Variants in DLG2 observed in about 807,000 individuals in gnomAD.
The protein encoded by DLG2 is disks large homolog 2.
DLG2 carries 45 observed loss-of-function variants against 132.5 expected under a neutral mutation model. The ratio of observed to expected loss-of-function variants is 0.34; its 90% CI spans 0.27 to 0.44. DLG2 has a LOEUF of 0.44. DLG2 is among the 20% of genes least tolerant of loss of function. The pLI is 1.00. For synonymous variants in DLG2, 424 were observed against 419.6 expected (o/e 1.01, Z -0.13); for missense variants, 1,045 against 1,196.9 (o/e 0.87, Z 1.87).
chr11:85,056,001 CTCTT>C (rs1470754668), intron 6 of DLG2, among the ~76,000 whole-genome samples: 2 of 152,058 alleles, frequency 1.3e-5, no homozygotes, highest in Non-Finnish European at 2.9e-5. Flanking sequence ...ATTTCTTTTC[CTCTT>C]TTTTTAAGTA....
At chr11:84,438,431 G>A (rs992126768) in intron 7 of DLG2, among the ~76,000 whole-genome samples, 1 of 151,660 alleles carries the variant, frequency 6.6e-6, no homozygotes, top group African/African-American at 2.4e-5. Context: ...TTCAAATCGA[G>A]TGTTAAACTA....
In DLG2 at chr11:84,910,893, T is replaced by A. The variant is rs551941194; in HGVS notation, c.357+200768A>T. Among the ~76,000 whole-genome samples the A allele has an allele frequency of 4.6e-5, 7 of 152,304 alleles. No individual in the cohort carries two copies. The South Asian group carries it at 1.4e-3, about 32-fold the overall frequency. On this transcript the variant is annotated intron_variant, in intron 6 of 27. Coordinates refer to ENST00000376104, the MANE Select transcript of DLG2 (RefSeq NM_001142699.3). ...GTTACACTAGGAATGCAAAGTGTAT[T>A]AAGTGTTACACTAGAAGTACAAAGT...
At chr11:85,583,242 T>G (rs2078736506) in intron 3 of DLG2, among the ~76,000 whole-genome samples, 1 of 145,954 alleles carries the variant, frequency 6.9e-6, no homozygotes, top group Admixed American at 6.9e-5. Context: ...CAGAGCTCAC[T>G]GCAGCCTCAA....
At chr11:83,548,825 G>A (rs1037146496) in intron 19 of DLG2, among the ~76,000 whole-genome samples, 1 of 152,114 alleles carries the variant, frequency 6.6e-6, no homozygotes, top group Non-Finnish European at 1.5e-5. Flanking sequence ...CTCTAAAATT[G>A]CAAATCACTC....
intron 11 of DLG2, among the ~76,000 whole-genome samples, chr11:84,050,460 C>A (rs1041901137): frequency 2.0e-5 from 3 of 151,824 alleles, no homozygotes; most frequent in Admixed American, 1.3e-4. Context: ...TTCTCCCATT[C>A]TGTAGGTTGC....
At chr11:84,915,728 C>A (rs1375938816) in intron 6 of DLG2, among the ~76,000 whole-genome samples, 2 of 152,130 alleles carry the variant, frequency 1.3e-5, no homozygotes, top group Non-Finnish European at 2.9e-5. Flanking sequence ...CCTTGTTGTG[C>A]ATCTATTCTT....
intron 6 of DLG2, among the ~76,000 whole-genome samples, chr11:84,940,895 G>A (rs542779138): frequency 6.6e-6 from 1 of 152,236 alleles, no homozygotes; most frequent in African/African-American, 2.4e-5. Flanking sequence ...ATTTTGAATT[G>A]CCTTTTGTAT....
At chr11:84,097,482 T>G (rs1046631002) in intron 10 of DLG2, among the ~76,000 whole-genome samples, 2 of 152,188 alleles carry the variant, frequency 1.3e-5, no homozygotes, top group East Asian at 3.8e-4. Flanking sequence ...CACAGCTCTT[T>G]GGCTATACAT....
chr11:83,653,603 T>A (rs1336556787), intron 18 of DLG2, among the ~76,000 whole-genome samples: 1 of 152,206 alleles, frequency 6.6e-6, no homozygotes, highest in East Asian at 1.9e-4. Flanking sequence ...TTCATCTCCA[T>A]CACAGGAAGA....
intron 3 of DLG2, among the ~76,000 whole-genome samples, chr11:85,428,909 G>T (rs2090971334): frequency 6.6e-6 from 1 of 151,562 alleles, no homozygotes; most frequent in African/African-American, 2.4e-5. Flanking sequence ...AAAGAGAGAA[G>T]AATTAAATAG....
intron 3 of DLG2, among the ~76,000 whole-genome samples, chr11:85,371,757 C>A (rs2084998088): frequency 6.6e-6 from 1 of 152,170 alleles, no homozygotes; most frequent in African/African-American, 2.4e-5. Context: ...ACCCAACTCA[C>A]AAGTATTTGA....
intron 3 of DLG2, among the ~76,000 whole-genome samples, chr11:85,485,583 G>T (rs1189785177): frequency 6.6e-6 from 1 of 152,156 alleles, no homozygotes; most frequent in South Asian, 2.1e-4. Flanking sequence ...GAGAGGGAAG[G>T]GGGCAGCTCT....
intron 16 of DLG2, among the ~76,000 whole-genome samples, chr11:83,849,381 G>A (rs2059243987): frequency 6.6e-6 from 1 of 150,996 alleles, no homozygotes; most frequent in African/African-American, 2.4e-5. Context: ...CCATTCAAAT[G>A]TTTATCGAGC....
intron 16 of DLG2, among the ~76,000 whole-genome samples, chr11:83,862,653 T>A (rs1415162676): frequency 6.6e-6 from 1 of 151,584 alleles, no homozygotes; most frequent in East Asian, 1.9e-4. Context: ...TGATAGATAC[T>A]CCCCCACTCC....
At chr11:84,244,529 T>A (rs751674264) in intron 8 of DLG2, among the ~76,000 whole-genome samples, 26 of 152,180 alleles carry the variant, frequency 1.7e-4, no homozygotes, top group Admixed American at 2.6e-4. Context: ...TTCTGCTGAT[T>A]GTGGCAGTTG....
intron 7 of DLG2, among the ~76,000 whole-genome samples, chr11:84,350,929 T>A (rs1444913915): frequency 6.6e-6 from 1 of 152,180 alleles, no homozygotes; most frequent in Non-Finnish European, 1.5e-5. Flanking sequence ...TGTTTTCCTA[T>A]TCCTATCCCT....
At chr11:85,024,299 A>G (rs1419231138) in intron 6 of DLG2, among the ~76,000 whole-genome samples, 1 of 152,200 alleles carries the variant, frequency 6.6e-6, no homozygotes. Context: ...TGGGAAATGT[A>G]TCTGACGCAC....
chr11:85,305,896 T>C (rs1051708201), intron 3 of DLG2, among the ~76,000 whole-genome samples: 5 of 152,158 alleles, frequency 3.3e-5, no homozygotes, highest in Non-Finnish European at 5.9e-5. Context: ...AGTATATATC[T>C]AACTCCTCTC....
chr11:83,979,127 T>C (rs1056176797), intron 12 of DLG2, among the ~76,000 whole-genome samples: 11 of 152,150 alleles, frequency 7.2e-5, no homozygotes, highest in Non-Finnish European at 1.5e-4. Flanking sequence ...ACAAAGATCT[T>C]ATCTAACACA....
Sources: gnomAD v4.1 joint callset for allele counts (sites outside exome capture counted in the v4.1 genomes callset) on GRCh38, gnomAD v4.1.1 for gene constraint, MANE v1.5 for transcripts, NCBI Gene and HGNC (gene_info 2026-07-23, HGNC 2026-07-21) for gene names.